The following MICU1 variants were observed in gnomAD, a reference collection of about 807,000 sequenced individuals.
The protein encoded by MICU1 is calcium uptake protein 1, mitochondrial.
MICU1 carries 45 observed loss-of-function variants against 56.8 expected under a neutral mutation model. The ratio of observed to expected loss-of-function variants is 0.79; its 90% CI spans 0.62 to 1.02. MICU1 has a LOEUF of 1.02. Ranked by LOEUF, MICU1 falls within the 50% of genes least tolerant of loss-of-function variation. The pLI is 0.00. For missense variants in MICU1, 504 were observed against 587.1 expected (o/e 0.86, Z 1.46); for synonymous variants, 186 against 195.1 (o/e 0.95, Z 0.39).
At chr10:72,509,171 A>C (rs547638315) in intron 5 of MICU1, among the ~76,000 whole-genome samples, 6 of 152,342 alleles carry the variant, frequency 3.9e-5, no homozygotes, top group African/African-American at 1.4e-4. Flanking sequence ...ACTTGAAACT[A>C]ATTTCCACAA....
intron 1 of MICU1, among the ~76,000 whole-genome samples, chr10:72,611,414 C>T (rs927062835): frequency 7.9e-5 from 12 of 151,920 alleles, no homozygotes; most frequent in Non-Finnish European, 1.5e-4. Context: ...GACTTGGAGA[C>T]CAGCCTGGCC....
At chr10:72,382,161 AGTGCAGTG>A (rs1395172726) in intron 10 of MICU1, among the ~76,000 whole-genome samples, 1 of 151,256 alleles carries the variant, frequency 6.6e-6, no homozygotes, top group Non-Finnish European at 1.5e-5. Context: ...CCCAGGCTGG[AGTGCAGTG>A]GTGCGATCTC....
At chr10:72,394,627 G>GAA (rs777177442) in intron 10 of MICU1, among the ~76,000 whole-genome samples, 1 of 126,224 alleles carries the variant, frequency 7.9e-6, no homozygotes. Context: ...GTCTCAAAAA[G>GAA]AAAAAAAAAA....
intron 1 of MICU1, among the ~76,000 whole-genome samples, chr10:72,592,057 C>G (rs7914977): frequency 6.7e-6 from 1 of 148,984 alleles, no homozygotes; most frequent in East Asian, 2.0e-4. Context: ...TCATCCAGGC[C>G]GGAATGCAGT....
At chr10:72,580,250 G>T (rs992110210) in intron 1 of MICU1, among the ~76,000 whole-genome samples, 6 of 151,910 alleles carry the variant, frequency 3.9e-5, no homozygotes, top group African/African-American at 1.5e-4. Context: ...AATATGTCTA[G>T]GTATGATGTA....
chr10:72,417,426 C>T lies in MICU1; in HGVS notation c.1071+5808G>A, dbSNP rs547516368. On this transcript the variant is annotated intron_variant, in intron 9 of 11. Coordinates refer to ENST00000361114, the MANE Select transcript of MICU1 (RefSeq NM_001195518.2). ...CCGAGATCAGGCCACTGCACTCCAG[C>T]CTAGACAACAGAGCAAGACTCCGTC... Among the ~76,000 whole-genome samples, 57 of 148,884 alleles carry T rather than the reference C, an allele frequency of 3.8e-4. 1 individual carries two copies. The highest frequency in any genetic ancestry group is 1.4e-3 in the African/African-American group (54 of 39,722).
intron 1 of MICU1, among the ~76,000 whole-genome samples, chr10:72,602,152 T>C (rs920325059): frequency 6.6e-6 from 1 of 151,728 alleles, no homozygotes; most frequent in African/African-American, 2.4e-5. Context: ...GTTATTAGGA[T>C]GAGTTAATCA....
intron 6 of MICU1, chr10:72,477,586 C>G (rs1866162849): frequency 6.6e-7 from 1 of 1,519,484 alleles, no homozygotes; most frequent in South Asian, 1.2e-5. Flanking sequence ...TCTGTTGCTT[C>G]AATATGGTAT....
intron 8 of MICU1, among the ~76,000 whole-genome samples, chr10:72,430,289 C>G (rs959692585): frequency 2.0e-5 from 3 of 151,978 alleles, no homozygotes; most frequent in African/African-American, 4.8e-5. Context: ...CATTTTTTGT[C>G]TATGGTAAGT....
At chr10:72,455,815 A>G (rs1340768771) in intron 8 of MICU1, among the ~76,000 whole-genome samples, 2 of 145,334 alleles carry the variant, frequency 1.4e-5, no homozygotes, top group Admixed American at 6.9e-5. Context: ...CTATATCCTG[A>G]AAAAAAAAAA....
At position 72,590,016 on chromosome 10, in the gene MICU1, G is replaced by GA. The variant is rs79641174; in HGVS notation, c.-1-23223dup. Among the ~76,000 whole-genome samples the GA allele has an allele frequency of 1.6e-4, 23 of 142,976 alleles. 1 individual carries two copies. The highest frequency in any genetic ancestry group is 3.5e-4 in the Admixed American group (5 of 14,372). 93.8% of individuals were successfully genotyped at this position (142,976 alleles called of 152,430 possible). On this transcript the variant is annotated intron_variant, in intron 1 of 11. Coordinates refer to ENST00000361114, the MANE Select transcript of MICU1 (RefSeq NM_001195518.2). ...CAACATAGTGAGATACTGTCAGAAAGAAAAAAAAAAATCTACCAGCATATA... is the reference window on the plus strand; with the variant it reads ...CAACATAGTGAGATACTGTCAGAAAGAAAAAAAAAAAATCTACCAGCATATA...
At chr10:72,487,189 A>AAAAAAT (rs1440696508) in intron 6 of MICU1, among the ~76,000 whole-genome samples, 1 of 152,188 alleles carries the variant, frequency 6.6e-6, no homozygotes, top group Non-Finnish European at 1.5e-5. Context: ...TTTGCAAGGA[A>AAAAAAT]AAAAATTCAT....
chr10:72,487,701 C>A (rs1007630452), intron 6 of MICU1, among the ~76,000 whole-genome samples: 11 of 152,128 alleles, frequency 7.2e-5, no homozygotes, highest in Non-Finnish European at 1.3e-4. Flanking sequence ...CAGAAAAATA[C>A]CCTTTTGGAA....
At chr10:72,568,821 C>T (rs561088377) in intron 1 of MICU1, among the ~76,000 whole-genome samples, 22 of 141,086 alleles carry the variant, frequency 1.6e-4, no homozygotes, top group Admixed American at 3.1e-4. Flanking sequence ...GGCGCAATCT[C>T]GGCTCACTGC....
At chr10:72,447,616 T>A (rs1453586693) in intron 8 of MICU1, among the ~76,000 whole-genome samples, 1 of 151,984 alleles carries the variant, frequency 6.6e-6, no homozygotes, top group Non-Finnish European at 1.5e-5. Flanking sequence ...AAGTTTTCTA[T>A]AGGAACAATT....
At chr10:72,485,967 T>C (rs889409900) in intron 6 of MICU1, among the ~76,000 whole-genome samples, 5 of 150,714 alleles carry the variant, frequency 3.3e-5, no homozygotes, top group African/African-American at 1.2e-4. Context: ...AGTGTTGAAA[T>C]TACCAGGGAG....
intron 11 of MICU1, among the ~76,000 whole-genome samples, chr10:72,374,264 G>A (rs1209287198): frequency 1.3e-5 from 2 of 152,274 alleles, no homozygotes; most frequent in African/African-American, 2.4e-5. Flanking sequence ...GGGACTATAG[G>A]CACACATGTG....
intron 8 of MICU1, among the ~76,000 whole-genome samples, chr10:72,464,373 C>T (rs545252017): frequency 6.6e-6 from 1 of 150,456 alleles, no homozygotes; most frequent in Non-Finnish European, 1.5e-5. Flanking sequence ...CACGCGCACA[C>T]ACGTATACAT....
intron 10 of MICU1, among the ~76,000 whole-genome samples, chr10:72,397,798 C>T (rs899957902): frequency 1.8e-4 from 28 of 152,126 alleles, no homozygotes; most frequent in African/African-American, 5.6e-4. Flanking sequence ...CCTTAGAGAC[C>T]TACAAAGAGA....
Sources: allele counts gnomAD v4.1 joint callset (sites outside exome capture counted in the v4.1 genomes callset), GRCh38; gene constraint gnomAD v4.1.1; transcripts MANE v1.5; gene names NCBI Gene and HGNC (gene_info 2026-07-23, HGNC 2026-07-21).